The following RPH3A variants were observed in gnomAD, a reference collection of about 807,000 sequenced individuals.
RPH3A encodes rabphilin-3A.
A neutral mutation model predicts 102.2 loss-of-function variants in RPH3A; 48 were observed. The observed-to-expected ratio is 0.47, with a 90% CI of 0.37 to 0.60. The LOEUF (loss-of-function observed/expected upper bound fraction) is 0.60, where lower values mean the gene tolerates loss of function less well. Ranked by LOEUF, RPH3A falls within the 20% of genes least tolerant of loss-of-function variation. RPH3A has a pLI of 0.00. For synonymous variants in RPH3A, 310 were observed against 324.3 expected, an observed-to-expected ratio of 0.96 and a Z score of 0.47; for missense variants, 781 against 910.1, an observed-to-expected ratio of 0.86 and a Z score of 1.83.
chr12:112,657,626 A>T (rs564522870), intron 1 of RPH3A, among the ~76,000 whole-genome samples: 9 of 152,308 alleles, frequency 5.9e-5, no homozygotes, highest in Admixed American at 6.5e-5. Flanking sequence ...TTATAACCTT[A>T]TGGGATCACT....
intron 17 of RPH3A, 83 bp from the exon 18 acceptor site, chr12:112,889,941 G>C (rs576530185): frequency 5.6e-6 from 7 of 1,243,938 alleles, no homozygotes; most frequent in African/African-American, 1.5e-5. Context: ...GGTAATGGAA[G>C]TATGAGGGGT....
intron 20 of RPH3A, 59 bp from the exon 21 acceptor site, chr12:112,895,718 C>T (rs1366918653): frequency 1.6e-6 from 2 of 1,252,684 alleles, no homozygotes; most frequent in African/African-American, 2.9e-5. Flanking sequence ...GGCCTCTTAC[C>T]TCCCAATGCT....
intron 1 of RPH3A, among the ~76,000 whole-genome samples, chr12:112,766,368 A>C (rs1243397085): frequency 6.6e-6 from 1 of 152,224 alleles, no homozygotes; most frequent in East Asian, 1.9e-4. Context: ...GGAAGTACTC[A>C]AGAAAGGCTA....
intron 21 of RPH3A, 149 bp from the exon 22 acceptor site, chr12:112,896,498 ACAG>A: frequency 2.4e-6 from 2 of 833,056 alleles, no homozygotes; most frequent in Non-Finnish European, 3.8e-6. Context: ...AATAACAACA[ACAG>A]CAGCAACGTT....
intron 1 of RPH3A, among the ~76,000 whole-genome samples, chr12:112,731,667 C>T (rs1426541688): frequency 6.6e-6 from 1 of 152,208 alleles, no homozygotes; most frequent in Non-Finnish European, 1.5e-5. Context: ...CTTCCTCTCA[C>T]TTCTAATTTA....
At chr12:112,752,968 C>CTTTTTTTTTTTTT (rs3037266) in intron 1 of RPH3A, among the ~76,000 whole-genome samples, 2 of 118,934 alleles carry the variant, frequency 1.7e-5, no homozygotes, top group Non-Finnish European at 3.4e-5. Flanking sequence ...GTCCAGTTTT[C>CTTTTTTTTTTTTT]TTTTTTTTTT....
At chr12:112,860,619 C>A (rs944414645) in intron 5 of RPH3A, among the ~76,000 whole-genome samples, 1 of 152,118 alleles carries the variant, frequency 6.6e-6, no homozygotes, top group Non-Finnish European at 1.5e-5. Flanking sequence ...TGGATTTGTC[C>A]CACGCCCTCT....
At chr12:112,777,996 G>T (rs2040980366) in intron 1 of RPH3A, among the ~76,000 whole-genome samples, 1 of 152,186 alleles carries the variant, frequency 6.6e-6, no homozygotes, top group Non-Finnish European at 1.5e-5. Context: ...TTCCATATGG[G>T]AGGCACCAGC....
intron 1 of RPH3A, among the ~76,000 whole-genome samples, chr12:112,616,453 C>A (rs1164779924): frequency 6.6e-6 from 1 of 152,146 alleles, no homozygotes; most frequent in Non-Finnish European, 1.5e-5. Flanking sequence ...AGTCTGGATC[C>A]ATTCTTGAAT....
intron 13 of RPH3A, 39 bp from the exon 14 acceptor site, chr12:112,879,080 A>C: frequency 1.3e-6 from 2 of 1,525,326 alleles, no homozygotes; most frequent in Middle Eastern, 1.7e-4. Flanking sequence ...TGAGTGACTG[A>C]ATATTCGTTA....
chr12:112,668,970 C>T (rs2040106622), intron 1 of RPH3A, among the ~76,000 whole-genome samples: 1 of 152,118 alleles, frequency 6.6e-6, no homozygotes, highest in Non-Finnish European at 1.5e-5. Context: ...CATTTGTCTC[C>T]CCTACAGCTT....
At chr12:112,587,166 C>A (rs2039445145) in intron 1 of RPH3A, among the ~76,000 whole-genome samples, 2 of 152,118 alleles carry the variant, frequency 1.3e-5, no homozygotes, top group South Asian at 2.1e-4. Flanking sequence ...TTGAGAAAGT[C>A]AAAAATCCCT....
At chr12:112,741,087 C>T (rs750613363) in intron 1 of RPH3A, among the ~76,000 whole-genome samples, 2 of 152,168 alleles carry the variant, frequency 1.3e-5, no homozygotes, top group Non-Finnish European at 2.9e-5. Flanking sequence ...ACATTGCCCA[C>T]CCCCTGCCTC....
intron 1 of RPH3A, among the ~76,000 whole-genome samples, chr12:112,692,230 A>G (rs1445369771): frequency 3.9e-5 from 6 of 152,210 alleles, no homozygotes; most frequent in Non-Finnish European, 8.8e-5. Flanking sequence ...TTACAGCCAG[A>G]TAGGAGGAAT....
At chr12:112,685,880 C>T (rs2136018952) in intron 1 of RPH3A, among the ~76,000 whole-genome samples, 1 of 152,318 alleles carries the variant, frequency 6.6e-6, no homozygotes, top group African/African-American at 2.4e-5. Context: ...GATCAACTGG[C>T]AGATTTTGTG....
chr12:112,792,089 CT>C (rs2041130122), intron 1 of RPH3A, 53 bp from the exon 2 acceptor site: 1 of 152,036 alleles, frequency 6.6e-6, no homozygotes, highest in South Asian at 2.1e-4. Context: ...TGCACTGGTG[CT>C]TTGATTTTAT....
chr12:112,629,352 A>C (rs1206709696), intron 1 of RPH3A, among the ~76,000 whole-genome samples: 4 of 148,108 alleles, frequency 2.7e-5, no homozygotes, highest in African/African-American at 7.4e-5. Context: ...TGCTTTCTTG[A>C]ACTTAATCTC....
chr12:112,757,424 C>A (rs185307192), intron 1 of RPH3A, among the ~76,000 whole-genome samples: 43 of 152,206 alleles, frequency 2.8e-4, no homozygotes, highest in Admixed American at 2.4e-3. Flanking sequence ...CTATAATTAA[C>A]AATTTATTAT....
At chr12:112,773,296 T>C (rs2040940613) in intron 1 of RPH3A, among the ~76,000 whole-genome samples, 1 of 152,048 alleles carries the variant, frequency 6.6e-6, no homozygotes, top group Non-Finnish European at 1.5e-5. Flanking sequence ...AAGGATGGGG[T>C]TTTGCCAAAG....
Sources: gnomAD v4.1 joint callset for allele counts (sites outside exome capture counted in the v4.1 genomes callset) on GRCh38, gnomAD v4.1.1 for gene constraint, MANE v1.5 for transcripts, NCBI Gene and HGNC (gene_info 2026-07-23, HGNC 2026-07-21) for gene names.